The following FAM83B variants were observed in gnomAD, a reference collection of about 807,000 sequenced individuals.
The protein encoded by FAM83B is protein FAM83B.
A neutral mutation model predicts 38.8 loss-of-function variants in FAM83B; 26 were observed. The observed-to-expected ratio is 0.67, with a 90% CI of 0.49 to 0.93. The LOEUF (loss-of-function observed/expected upper bound fraction) is 0.93, where lower values mean the gene tolerates loss of function less well. FAM83B is among the 40% of genes least tolerant of loss of function. FAM83B has a pLI of 0.00. For missense variants in FAM83B, 1,237 were observed against 1,197.3 expected (o/e 1.03, Z -0.49); for synonymous variants, 419 against 423.1 (o/e 0.99, Z 0.12).
At chr6:54,906,788 T>A (rs1772785974) in intron 2 of FAM83B, among the ~76,000 whole-genome samples, 1 of 152,184 alleles carries the variant, frequency 6.6e-6, no homozygotes, top group African/African-American at 2.4e-5. Context: ...AGATTATTTT[T>A]AAAAATGGTG....
At chr6:54,900,730 C>T (rs1772644047) in intron 2 of FAM83B, among the ~76,000 whole-genome samples, 1 of 152,158 alleles carries the variant, frequency 6.6e-6, no homozygotes, top group African/African-American at 2.4e-5. Context: ...GCTGAATTGA[C>T]TCTATAGCTT....
intron 2 of FAM83B, among the ~76,000 whole-genome samples, chr6:54,875,083 A>G (rs1052944530): frequency 4.6e-5 from 7 of 152,202 alleles, no homozygotes; most frequent in Non-Finnish European, 7.3e-5. Flanking sequence ...GCGTGGCATT[A>G]AACAAGTCAT....
At position 54,848,397 on chromosome 6, in the gene FAM83B, C is replaced by T. The variant is rs376621766; in HGVS notation, c.-61+1571C>T. ...GCCTTTAAAGCTGGCAGGCTTTAGA[C>T]CGCAGATGCTGAGAATTTATTGTGG... On this transcript the variant is annotated intron_variant, in intron 1 of 4. Transcript: ENST00000306858. 1.2e-3 allele frequency among the ~76,000 whole-genome samples: 188 copies of T among 152,188 alleles called. 1 individual carries two copies. The Middle Eastern group carries it at 0.024, about 19-fold the overall frequency.
At chr6:54,894,087 A>G (rs551569307) in intron 2 of FAM83B, among the ~76,000 whole-genome samples, 1 of 152,160 alleles carries the variant, frequency 6.6e-6, no homozygotes, top group East Asian at 1.9e-4. Context: ...GGTCCTTTAT[A>G]TTTTTCTGTA....
chr6:54,932,209 A>G (rs1040743152), intron 4 of FAM83B, among the ~76,000 whole-genome samples: 9 of 151,996 alleles, frequency 5.9e-5, no homozygotes, highest in Non-Finnish European at 7.4e-5. Flanking sequence ...ACTGGGTTTC[A>G]CCATGTTAGC....
chr6:54,913,390 A>G (rs1205082226), intron 2 of FAM83B, among the ~76,000 whole-genome samples: 1 of 152,098 alleles, frequency 6.6e-6, no homozygotes, highest in Non-Finnish European at 1.5e-5. Flanking sequence ...TGGTATTCAT[A>G]ATCTCAATTT....
intron 2 of FAM83B, among the ~76,000 whole-genome samples, chr6:54,871,929 T>C (rs1503155): frequency 0.91 from 138,785 of 151,956 alleles, 63,606 homozygotes; most frequent in East Asian, 1. Context: ...CTTGCAAGAG[T>C]ATGCTTTTAT....
intron 2 of FAM83B, among the ~76,000 whole-genome samples, chr6:54,899,498 C>G (rs1203957679): frequency 6.6e-6 from 1 of 152,162 alleles, no homozygotes; most frequent in Non-Finnish European, 1.5e-5. Flanking sequence ...TAACATAATG[C>G]CATAAGCAGA....
chr6:54,940,653 C>G lies in FAM83B; in HGVS notation c.1682C>G (p.Thr561Ser). The stretch of plus-strand genomic sequence containing the variant: ...CAAAAGGAAGTTAACAGTTGTACAA[C>G]TGGCTCCTCAAATTCAACTATCATT... ...PEQKEVNSCT[T>S]GSSNSTIIGS... Residue 561 changes from threonine to serine, a missense_variant, in exon 5 of 5, where the codon ACT (threonine) becomes AGT (serine). Thr to Ser is a moderately conservative substitution (Grantham distance 58, BLOSUM62 1). Coordinates refer to ENST00000306858, the MANE Select transcript of FAM83B (RefSeq NM_001010872.3). The G allele has an allele frequency of 6.2e-7, 1 of 1,614,048 alleles. No homozygotes were observed. The highest frequency in any genetic ancestry group is 1.3e-5 in the African/African-American group (1 of 75,026).
At chr6:54,889,836 CATAAT>C (rs1772361500) in intron 2 of FAM83B, among the ~76,000 whole-genome samples, 1 of 151,990 alleles carries the variant, frequency 6.6e-6, no homozygotes, top group South Asian at 2.1e-4. Flanking sequence ...CTATTGGAAA[CATAAT>C]AGAGTTTAAG....
chr6:54,911,834 G>A (rs1221555222), intron 2 of FAM83B, among the ~76,000 whole-genome samples: 1 of 152,006 alleles, frequency 6.6e-6, no homozygotes, highest in Admixed American at 6.5e-5. Flanking sequence ...TAATTTAAAT[G>A]TTGCTGATCA....
chr6:54,908,179 G>A (rs1034973943), intron 2 of FAM83B, among the ~76,000 whole-genome samples: 1 of 149,226 alleles, frequency 6.7e-6, no homozygotes, highest in Non-Finnish European at 1.5e-5. Flanking sequence ...AGTGGGTGCT[G>A]CGTAAAGGAT....
intron 2 of FAM83B, among the ~76,000 whole-genome samples, chr6:54,881,333 C>T (rs1201129563): frequency 6.6e-6 from 1 of 152,184 alleles, no homozygotes; most frequent in African/African-American, 2.4e-5. Context: ...AAGAAAGCCT[C>T]ATAACTGTTT....
intron 1 of FAM83B, among the ~76,000 whole-genome samples, chr6:54,847,116 C>A (rs1771156775): frequency 6.6e-6 from 1 of 152,104 alleles, no homozygotes; most frequent in South Asian, 2.1e-4. Context: ...CGGTTTGGGT[C>A]CCCAGAGGAC....
intron 4 of FAM83B, among the ~76,000 whole-genome samples, chr6:54,937,100 C>A (rs895954715): frequency 1.3e-5 from 2 of 151,134 alleles, no homozygotes; most frequent in African/African-American, 4.9e-5. Context: ...TTATTGTCTC[C>A]TTTATAGAAA....
intron 2 of FAM83B, among the ~76,000 whole-genome samples, chr6:54,908,133 A>G (rs1325208576): frequency 1.7e-4 from 3 of 17,806 alleles, no homozygotes; most frequent in African/African-American, 3.8e-3. Flanking sequence ...ATTTCATGGA[A>G]AAAAAAAAAA....
At chr6:54,933,903 G>A (rs568005607) in intron 4 of FAM83B, among the ~76,000 whole-genome samples, 8 of 152,238 alleles carry the variant, frequency 5.3e-5, no homozygotes, top group African/African-American at 1.9e-4. Flanking sequence ...AGGACCCCCA[G>A]TCTGGGGGCT....
chr6:54,877,352 A>T (rs1772022423), intron 2 of FAM83B, among the ~76,000 whole-genome samples: 1 of 152,212 alleles, frequency 6.6e-6, no homozygotes. Context: ...TCTCAATGAG[A>T]TGTAAAAAGT....
At chr6:54,922,561 T>C (rs1773194765) in intron 2 of FAM83B, among the ~76,000 whole-genome samples, 1 of 152,044 alleles carries the variant, frequency 6.6e-6, no homozygotes, top group African/African-American at 2.4e-5. Flanking sequence ...GAGACTGTTA[T>C]CACTGGTTTC....
Sources: gnomAD v4.1 joint callset for allele counts (sites outside exome capture counted in the v4.1 genomes callset) on GRCh38, gnomAD v4.1.1 for gene constraint, MANE v1.5 for transcripts, NCBI Gene and HGNC (gene_info 2026-07-23, HGNC 2026-07-21) for gene names.